Variants in INO80B observed in about 807,000 individuals in gnomAD.
INO80B encodes INO80 complex subunit B, also known as IES2 homolog.
INO80B carries 18 observed loss-of-function variants against 31.4 expected under a neutral mutation model. That is an observed-to-expected ratio of 0.57 (90% CI 0.40 to 0.85). INO80B has a LOEUF of 0.85. Among genes scored for constraint, INO80B ranks in the 40% least tolerant of loss-of-function variants. INO80B has a pLI of 0.00. For synonymous variants in INO80B, 238 were observed against 199.0 expected (o/e 1.20, Z -1.65); for missense variants, 469 against 475.4 (o/e 0.99, Z 0.13).
Position 74,457,330 on chromosome 2 carries a change from C to T in INO80B, c.541-4C>T. 1 of 1,604,176 alleles carries T rather than the reference C, an allele frequency of 6.2e-7. No individual in the cohort carries two copies. Among genetic ancestry groups the T allele is most frequent in the Non-Finnish European group, 8.5e-7 (1 of 1,176,072 alleles). On this transcript the variant is annotated splice_region_variant and splice_polypyrimidine_tract_variant and intron_variant, in intron 4 of 4. Coordinates refer to ENST00000233331, the MANE Select transcript of INO80B (RefSeq NM_031288.4). ...GACAGCACCCCGTCTCTGTCTCTCC[C>T]TAGCGAGCTCTGCTCCAGAAGGCGC...
rs745735507 is a variant in INO80B, at chr2:74,457,813, G to T, written c.1020G>T (p.Gln340His). 2 of 1,590,108 alleles carry T rather than the reference G, an allele frequency of 1.3e-6. No individual in the cohort carries two copies. The highest frequency in any genetic ancestry group is 1.7e-6 in the Non-Finnish European group (2 of 1,175,924). ...TTCAGTGCTACCGCATCAACCTGCA[G>T]ATGCGGCTGGGGGGGCCCGAGGGTC... ...CSLQCYRINL[Q>H]MRLGGPEGPG... Residue 340 changes from glutamine (Q) to histidine (H), a missense_variant, in exon 5 of 5, where the codon CAG (glutamine) becomes CAT (histidine). Physicochemically the swap from Gln to His is conservative, Grantham distance 24. Transcript: ENST00000233331.
intron 1 of INO80B, 21 bp from the exon 2 acceptor site, chr2:74,455,385 C>G (rs2268417): frequency 1.2e-6 from 2 of 1,613,862 alleles, no homozygotes; most frequent in African/African-American, 1.3e-5. Flanking sequence ...CAAACACTGT[C>G]GACAGGCTTT....
At position 74,457,519 on chromosome 2, in the gene INO80B, C is replaced by T; in HGVS notation, c.726C>T (p.Leu242=). Reference sequence around the variant, plus strand: ...ACAAGAACCAGACTATCGAGCGCCTCACCAAGACTGCGGCGACCAGTGGGC... The same window carrying T: ...ACAAGAACCAGACTATCGAGCGCCTTACCAAGACTGCGGCGACCAGTGGGC... ...EEHKNQTIER[L]TKTAATSGRG... Residue 242 remains leucine (L), a synonymous_variant, in exon 5 of 5, where the codon CTC becomes CTT. Transcript: ENST00000233331. 1 of 1,537,630 alleles carries T rather than the reference C, an allele frequency of 6.5e-7. No homozygotes were observed. Among genetic ancestry groups the T allele is most frequent in the Non-Finnish European group, 8.8e-7 (1 of 1,142,304 alleles).
intron 1 of INO80B, 94 bp from the exon 2 acceptor site, chr2:74,455,312 G>A: frequency 1.9e-6 from 3 of 1,548,770 alleles, no homozygotes; most frequent in Non-Finnish European, 2.7e-6. Flanking sequence ...AGCGAGTACT[G>A]CGGGAAGGGT....
intron 2 of INO80B, 101 bp downstream of exon 2, chr2:74,455,699 A>T: frequency 1.4e-6 from 2 of 1,407,300 alleles, no homozygotes; most frequent in Non-Finnish European, 2.0e-6. Context: ...GGACACTGTG[A>T]CTTCAGGGTC....
chr2:74,455,960 C>T (rs759990770), intron 3 of INO80B, 24 bp downstream of exon 3: 1 of 1,575,980 alleles, frequency 6.3e-7, no homozygotes, highest in Non-Finnish European at 8.7e-7. Context: ...GGTGGGGAAA[C>T]TGGGTTTCTT....
intron 3 of INO80B, 72 bp from the exon 4 acceptor site, chr2:74,456,031 A>C (rs1671684532): frequency 6.4e-7 from 1 of 1,553,864 alleles, no homozygotes; most frequent in Non-Finnish European, 8.8e-7. Flanking sequence ...TCCATGTCCC[A>C]GTATTAACTC....
At position 74,457,820 on chromosome 2, in the gene INO80B, C is replaced by T. The variant is rs931391589; in HGVS notation, c.1027C>T (p.Leu343=). The T allele has an allele frequency of 6.3e-7, 1 of 1,584,622 alleles. No individual in the cohort carries two copies. Among genetic ancestry groups the T allele is most frequent in the Non-Finnish European group, 8.5e-7 (1 of 1,172,492 alleles). The change falls in exon 5 of 5, where the codon CTG becomes TTG. Residue 343 remains leucine (L), a synonymous_variant. Transcript: ENST00000233331. ...CTACCGCATCAACCTGCAGATGCGG[C>T]TGGGGGGGCCCGAGGGTCCTGGATC... ...QCYRINLQMR[L]GGPEGPGSPL... is the part of the protein sequence containing the mutation.
In INO80B at chr2:74,457,931, A is replaced by C; in HGVS notation, c.*67A>C. ...TTGAGTATCTTCCCCACCCTATTAA[A>C]TTACATCCGGTGCTTCGGCTTGTAC... On this transcript the variant is annotated 3_prime_UTR_variant, in exon 5 of 5. Transcript: ENST00000233331. The C allele has an allele frequency of 3.6e-6, 5 of 1,400,112 alleles. No homozygotes were observed. The highest frequency in any genetic ancestry group is 3.8e-6 in the Non-Finnish European group (4 of 1,053,554). The allele number at this position is 1,400,112 out of a possible 1,614,324, so 86.7% of individuals were successfully genotyped here.
intron 4 of INO80B, among the ~76,000 whole-genome samples, chr2:74,457,077 C>T (rs1367690346): frequency 2.0e-5 from 3 of 152,226 alleles, no homozygotes; most frequent in African/African-American, 4.8e-5. Context: ...GGTAACATTA[C>T]TGATGCTTCT....
Position 74,455,171 on chromosome 2 carries a change from C to T in INO80B, c.55C>T (p.Pro19Ser), listed in dbSNP as rs1304935246. ...CTCTGGGGCTATGGAGGCCCCTGAGCCGGGTAAGCGCGAATAGATCAAGCA... is the reference window on the plus strand; with the variant it reads ...CTCTGGGGCTATGGAGGCCCCTGAGTCGGGTAAGCGCGAATAGATCAAGCA... ...STSGAMEAPE[P>S]GEALELSLAG... The change falls in exon 1 of 5, where the codon CCG (proline) becomes TCG (serine). Residue 19 changes from proline (P) to serine (S), a missense_variant. Physicochemically the swap from Pro to Ser is moderately conservative, Grantham distance 74. This residue lies in a region of INO80B where 223 missense variants were observed against 253.4 expected (regional missense o/e 0.88). Coordinates refer to ENST00000233331, the MANE Select transcript of INO80B (RefSeq NM_031288.4). 1 of 1,614,110 alleles carries T rather than the reference C, an allele frequency of 6.2e-7. No homozygotes were observed. Among genetic ancestry groups the T allele is most frequent in the South Asian group, 1.1e-5 (1 of 91,088 alleles).
At chr2:74,455,729 T>C in intron 2 of INO80B, 89 bp from the exon 3 acceptor site, 1 of 1,401,874 alleles carries the variant, frequency 7.1e-7, no homozygotes. Context: ...GCAGCAAGAG[T>C]CTAAGAGGGT....
rs1298899727 is a variant in INO80B, at chr2:74,456,208, G to C, written c.476G>C (p.Gly159Ala). 6.2e-7 allele frequency: 1 copy of C among 1,614,164 alleles called. No individual in the cohort carries two copies. The highest frequency in any genetic ancestry group is 8.5e-7 in the Non-Finnish European group (1 of 1,180,016). The change falls in exon 4 of 5, where the codon GGG (glycine) becomes GCG (alanine). Residue 159 changes from glycine to alanine, a missense_variant. Gly to Ala is a moderately conservative substitution (Grantham distance 60). Transcript: ENST00000233331. ...EQRWLDALEK[G>A]ELDDNGDLKK... ...AGGTGGCTGGATGCCCTGGAGAAGG[G>C]GGAGCTGGATGACAATGGAGACCTC...
Position 74,457,329 on chromosome 2 carries a change from C to G in INO80B, c.541-5C>G. The G allele has an allele frequency of 6.2e-7, 1 of 1,603,950 alleles. No individual in the cohort carries two copies. Among genetic ancestry groups the G allele is most frequent in the Non-Finnish European group, 8.5e-7 (1 of 1,175,978 alleles). ...AGACAGCACCCCGTCTCTGTCTCTC[C>G]CTAGCGAGCTCTGCTCCAGAAGGCG... is the stretch of plus-strand genomic sequence containing the variant. On this transcript the variant is annotated splice_region_variant and splice_polypyrimidine_tract_variant and intron_variant, in intron 4 of 4. Coordinates refer to ENST00000233331, the MANE Select transcript of INO80B (RefSeq NM_031288.4).
intron 1 of INO80B, 76 bp downstream of exon 1, chr2:74,455,250 G>A (rs767422570): frequency 7.6e-6 from 12 of 1,569,900 alleles, no homozygotes; most frequent in Non-Finnish European, 1.1e-5. Flanking sequence ...AGAGTCCAGG[G>A]TACTTCGGCC....
rs1439612432 is a variant in INO80B at position 74,455,410 on chromosome 2, A to C, written c.63A>C (p.Glu21Asp). 1.9e-6 allele frequency: 3 copies of C among 1,614,194 alleles called. No individual in the cohort carries two copies. Among genetic ancestry groups the C allele is most frequent in the South Asian group, 1.1e-5 (1 of 91,084 alleles). Residue 21 changes from glutamate to aspartate, a missense_variant, in exon 2 of 5, where the codon GAA becomes GAC. Coordinates refer to ENST00000233331, the MANE Select transcript of INO80B (RefSeq NM_031288.4). ...SGAMEAPEPG[E>D]ALELSLAGAH... The stretch of plus-strand genomic sequence containing the variant: ...CGACAGGCTTTCCTTCCACAGGAGA[A>C]GCCCTGGAGTTGAGCCTGGCGGGTG...
Position 74,457,340 on chromosome 2 carries a change from C to G in INO80B, c.547C>G (p.Leu183Val), listed in dbSNP as rs1461911073. 1 of 1,606,560 alleles carries G rather than the reference C, an allele frequency of 6.2e-7. No homozygotes were observed. Among genetic ancestry groups the G allele is most frequent in the Admixed American group, 1.7e-5 (1 of 59,384 alleles). The change falls in exon 5 of 5, where the codon CTG becomes GTG. Residue 183 changes from leucine (L) to valine (V), a missense_variant. Around this residue, in one of 3 missense-constraint regions of INO80B, gnomAD observed 223 missense variants for 253.4 expected, o/e 0.88. Transcript: ENST00000233331. ...CGTCTCTGTCTCTCCCTAGCGAGCT[C>G]TGCTCCAGAAGGCGCGGAGTCAACC... ...ERLLTARQRA[L>V]LQKARSQPSP...
rs749078493 is a variant in INO80B, at chr2:74,457,890, C to A, written c.*26C>A. The A allele has an allele frequency of 2.0e-6, 3 of 1,500,536 alleles. No individual in the cohort carries two copies. Among genetic ancestry groups the A allele is most frequent in the Non-Finnish European group, 2.7e-6 (3 of 1,131,212 alleles). 93.0% of individuals were successfully genotyped at this position (1,500,536 alleles called of 1,614,324 possible). ...GGCCCTTAACCCGGACTCTGCGCCC[C>A]GTCCCATGCCCGCTCTTGAGTATCT... On this transcript the variant is annotated 3_prime_UTR_variant, in exon 5 of 5. Coordinates refer to ENST00000233331, the MANE Select transcript of INO80B (RefSeq NM_031288.4).
chr2:74,455,431 G>T lies in INO80B; in HGVS notation c.84G>T (p.Ala28=). ...EPGEALELSL[A]GAHGHGVHKK... Reference sequence around the variant, plus strand: ...GAGAAGCCCTGGAGTTGAGCCTGGCGGGTGCCCATGGCCATGGAGTGCACA... The same window carrying T: ...GAGAAGCCCTGGAGTTGAGCCTGGCTGGTGCCCATGGCCATGGAGTGCACA... Residue 28 remains alanine, a synonymous_variant, in exon 2 of 5, where the codon GCG becomes GCT. Transcript: ENST00000233331. The T allele has an allele frequency of 6.2e-7, 1 of 1,614,086 alleles. No individual in the cohort carries two copies. The highest frequency in any genetic ancestry group is 8.5e-7 in the Non-Finnish European group (1 of 1,180,026).
Sources: allele counts gnomAD v4.1 joint callset (sites outside exome capture counted in the v4.1 genomes callset), GRCh38; gene constraint gnomAD v4.1.1; regional missense constraint gnomAD v4.1.1; transcripts MANE v1.5; gene names NCBI Gene and HGNC (gene_info 2026-07-23, HGNC 2026-07-21).